The following SGCZ variants were observed in gnomAD, a reference collection of about 807,000 sequenced individuals.
SGCZ encodes the protein sarcoglycan zeta.
In SGCZ, 40 loss-of-function variants were observed where a neutral mutation model predicts 41.3. The observed-to-expected ratio is 0.97, with a 90% CI of 0.75 to 1.26. The LOEUF (loss-of-function observed/expected upper bound fraction) is 1.26. Among genes scored for constraint, SGCZ ranks in the 50% most tolerant of loss-of-function variants. The pLI, the probability that SGCZ is intolerant of heterozygous loss-of-function variation, is 0.00. For missense variants in SGCZ, 552 were observed against 369.8 expected, an observed-to-expected ratio of 1.49 and a Z score of -4.04; for synonymous variants, 206 against 137.5, an observed-to-expected ratio of 1.50 and a Z score of -3.49.
At chr8:14,147,910 A>T (rs920869755) in intron 5 of SGCZ, among the ~76,000 whole-genome samples, 5 of 152,180 alleles carry the variant, frequency 3.3e-5, no homozygotes, top group African/African-American at 9.6e-5. Context: ...AATTTTGCGA[A>T]CTATACAAAT....
chr8:14,533,566 C>T (rs1803203399), intron 2 of SGCZ, among the ~76,000 whole-genome samples: 2 of 151,854 alleles, frequency 1.3e-5, no homozygotes, highest in African/African-American at 4.8e-5. Flanking sequence ...TTCAAAGAAA[C>T]TCATGATGAC....
chr8:14,278,748 T>C (rs531798514), intron 3 of SGCZ, among the ~76,000 whole-genome samples: 1 of 152,244 alleles, frequency 6.6e-6, no homozygotes, highest in South Asian at 2.1e-4. Context: ...AGGTTAATAA[T>C]GGTAGCAGCA....
chr8:14,305,401 CTT>C (rs1801318455), intron 3 of SGCZ, among the ~76,000 whole-genome samples: 1 of 152,198 alleles, frequency 6.6e-6, no homozygotes, highest in African/African-American at 2.4e-5. Flanking sequence ...TAAACCAAGA[CTT>C]TTCAAAAATC....
intron 4 of SGCZ, 63 bp downstream of exon 4, chr8:14,237,529 A>C: frequency 6.8e-7 from 1 of 1,470,962 alleles, no homozygotes; most frequent in Non-Finnish European, 9.4e-7. Context: ...AGAACCAAAA[A>C]CCAAAAACAA....
chr8:14,373,615 T>C (rs1367542446), intron 2 of SGCZ, among the ~76,000 whole-genome samples: 2 of 152,056 alleles, frequency 1.3e-5, no homozygotes, highest in African/African-American at 4.8e-5. Context: ...AAAAACAATT[T>C]TGAAGGAAAG....
chr8:14,402,873 C>T (rs1406997303), intron 2 of SGCZ, among the ~76,000 whole-genome samples: 2 of 149,796 alleles, frequency 1.3e-5, no homozygotes, highest in African/African-American at 5.1e-5. Context: ...TGTAAATCAC[C>T]TTGGGCAGTA....
intron 1 of SGCZ, among the ~76,000 whole-genome samples, chr8:15,133,106 G>A (rs1379110779): frequency 1.3e-5 from 2 of 151,988 alleles, no homozygotes; most frequent in African/African-American, 4.8e-5. Flanking sequence ...TCATACCACT[G>A]CACTCCAGCC....
intron 1 of SGCZ, among the ~76,000 whole-genome samples, chr8:14,636,723 T>C (rs1166407052): frequency 6.6e-6 from 1 of 151,828 alleles, no homozygotes; most frequent in Non-Finnish European, 1.5e-5. Context: ...ATCACAAGTA[T>C]ATGGGAAGTA....
intron 1 of SGCZ, among the ~76,000 whole-genome samples, chr8:14,985,318 C>G (rs1801795118): frequency 2.0e-5 from 3 of 152,102 alleles, no homozygotes; most frequent in Admixed American, 2.0e-4. Flanking sequence ...CATTGGTATA[C>G]TCTCATGCCC....
intron 2 of SGCZ, among the ~76,000 whole-genome samples, chr8:14,433,210 G>A (rs1392033109): frequency 6.6e-6 from 1 of 152,088 alleles, no homozygotes; most frequent in Non-Finnish European, 1.5e-5. Flanking sequence ...TTAAGCAACT[G>A]CAAAAAAGTT....
intron 2 of SGCZ, among the ~76,000 whole-genome samples, chr8:14,532,528 T>C (rs934586052): frequency 6.6e-6 from 1 of 151,892 alleles, no homozygotes; most frequent in Non-Finnish European, 1.5e-5. Flanking sequence ...AGCAGCAAGA[T>C]AAAGAGAGCT....
chr8:14,911,564 A>G (rs941099390), intron 1 of SGCZ, among the ~76,000 whole-genome samples: 3 of 152,062 alleles, frequency 2.0e-5, no homozygotes, highest in Admixed American at 6.6e-5. Context: ...TTATAAAAAT[A>G]AAATTTCAGA....
At chr8:14,550,397 A>T (rs1563403338) in intron 2 of SGCZ, among the ~76,000 whole-genome samples, 1 of 151,070 alleles carries the variant, frequency 6.6e-6, no homozygotes, top group African/African-American at 2.4e-5. Context: ...TTAAATAAGC[A>T]TATAAATAAA....
chr8:14,986,173 CA>C (rs1238495192), intron 1 of SGCZ, among the ~76,000 whole-genome samples: 5 of 151,918 alleles, frequency 3.3e-5, no homozygotes, highest in Admixed American at 3.3e-4. Flanking sequence ...AGGTATGGAA[CA>C]TTTTTAAGTT....
intron 1 of SGCZ, among the ~76,000 whole-genome samples, chr8:15,056,165 T>C (rs972297094): frequency 1.3e-5 from 2 of 152,204 alleles, no homozygotes; most frequent in East Asian, 1.9e-4. Context: ...AGATCAAGAA[T>C]TGCTGTTTAT....
chr8:14,334,152 A>G (rs1181648684), intron 2 of SGCZ, among the ~76,000 whole-genome samples: 1 of 152,074 alleles, frequency 6.6e-6, no homozygotes. Flanking sequence ...CCCTTAAGTT[A>G]AGGATAAGAC....
At chr8:14,187,574 G>GA (rs1804946248) in intron 4 of SGCZ, among the ~76,000 whole-genome samples, 2 of 151,322 alleles carry the variant, frequency 1.3e-5, no homozygotes, top group Middle Eastern at 3.4e-3. Flanking sequence ...TATACTGATT[G>GA]AAAAAAATCA....
intron 1 of SGCZ, among the ~76,000 whole-genome samples, chr8:14,772,602 C>A (rs1437430347): frequency 1.5e-5 from 2 of 134,352 alleles, no homozygotes; most frequent in African/African-American, 5.6e-5. Context: ...CAACAATCCC[C>A]AGAGTGTGAT....
intron 1 of SGCZ, among the ~76,000 whole-genome samples, chr8:15,141,766 G>A (rs1808329402): frequency 6.6e-6 from 1 of 152,128 alleles, no homozygotes; most frequent in African/African-American, 2.4e-5. Flanking sequence ...ACTCGGCGTG[G>A]TGGTGCGTGC....
Sources: gnomAD v4.1 joint callset for allele counts (sites outside exome capture counted in the v4.1 genomes callset) on GRCh38, gnomAD v4.1.1 for gene constraint, MANE v1.5 for transcripts, NCBI Gene and HGNC (gene_info 2026-07-23, HGNC 2026-07-21) for gene names.